GBE1: variants seen among roughly 807,000 people sequenced by gnomAD.
GBE1 encodes the protein 1,4-alpha-glucan-branching enzyme.
Under a neutral mutation model 88.8 loss-of-function variants are expected in GBE1, and 70 were observed. The ratio of observed to expected loss-of-function variants is 0.79; its 90% CI spans 0.65 to 0.96. The LOEUF (loss-of-function observed/expected upper bound fraction) is 0.96, where lower values mean the gene tolerates loss of function less well. Among genes scored for constraint, GBE1 ranks in the 40% least tolerant of loss-of-function variants. The pLI, the probability that GBE1 is intolerant of heterozygous loss-of-function variation, is 0.00. For missense variants in GBE1, 872 were observed against 871.0 expected (o/e 1.00, Z -0.01); for synonymous variants, 284 against 300.1 (o/e 0.95, Z 0.56).
intron 14 of GBE1, among the ~76,000 whole-genome samples, chr3:81,531,473 C>T (rs1470325703): frequency 6.6e-6 from 1 of 151,898 alleles, no homozygotes; most frequent in Non-Finnish European, 1.5e-5. Context: ...TCATCAAAGG[C>T]CTGTGGCAAT....
At position 81,499,037 on chromosome 3, in the gene GBE1, A is replaced by C. The variant is rs1393740512; in HGVS notation, c.2052+73T>G. On this transcript the variant is annotated intron_variant, in intron 15 of 15. Transcript: ENST00000429644. Reference sequence around the variant, plus strand: ...ATGTTGCTTATTTGAAGAGTTGTTTATTTGAACAAAAACATTACTATAATA... The same window carrying C: ...ATGTTGCTTATTTGAAGAGTTGTTTCTTTGAACAAAAACATTACTATAATA... 5.8e-6 allele frequency: 5 copies of C among 859,032 alleles called. No individual in the cohort carries two copies. In the African/African-American group the frequency reaches 7.2e-5, roughly 12 times the overall value. The allele number at this position is 859,032 out of a possible 1,614,324, so 53.2% of individuals were successfully genotyped here.
intron 14 of GBE1, among the ~76,000 whole-genome samples, chr3:81,520,034 G>A (rs1227593503): frequency 6.6e-6 from 1 of 151,524 alleles, no homozygotes; most frequent in Non-Finnish European, 1.5e-5. Flanking sequence ...GGGTGTAACA[G>A]AAAGAATATG....
intron 6 of GBE1, among the ~76,000 whole-genome samples, chr3:81,645,879 C>T (rs537862870): frequency 6.6e-6 from 1 of 152,164 alleles, no homozygotes; most frequent in Non-Finnish European, 1.5e-5. Context: ...TGTTGGACTT[C>T]TTCGGTCTGT....
Position 81,585,784 on chromosome 3 carries a change from T to C in GBE1, c.1335+308A>G, listed in dbSNP as rs190725386. ...AAATGAATGCTGTAATGAAGTCTAA[T>C]ATGTATTAAATATAGAGCACTGAAG... On this transcript the variant is annotated intron_variant, in intron 10 of 15. Transcript: ENST00000429644. 1.9e-4 allele frequency among the ~76,000 whole-genome samples: 29 copies of C among 152,322 alleles called. No homozygotes were observed. In the East Asian group the frequency reaches 3.7e-3, roughly 19 times the overall value.
intron 7 of GBE1, among the ~76,000 whole-genome samples, chr3:81,610,688 G>A (rs2106989339): frequency 6.6e-6 from 1 of 152,252 alleles, no homozygotes; most frequent in East Asian, 1.9e-4. Context: ...GAGAACACCT[G>A]TGACTGCAGG....
intron 1 of GBE1, among the ~76,000 whole-genome samples, chr3:81,712,474 A>G (rs1468282139): frequency 3.9e-5 from 6 of 152,200 alleles, no homozygotes; most frequent in South Asian, 2.1e-4. Context: ...AGCCATAAAA[A>G]AGGATGAGTT....
intron 14 of GBE1, among the ~76,000 whole-genome samples, chr3:81,528,820 T>C: frequency 6.6e-6 from 1 of 152,080 alleles, no homozygotes; most frequent in East Asian, 1.9e-4. Context: ...TCTGTTTGCA[T>C]AGAATATCTT....
At chr3:81,678,717 T>C (rs960223760) in intron 2 of GBE1, among the ~76,000 whole-genome samples, 11 of 152,150 alleles carry the variant, frequency 7.2e-5, no homozygotes, top group Non-Finnish European at 7.4e-5. Flanking sequence ...GTACTCATTA[T>C]ATTTTGACTA....
chr3:81,535,372 T>C, intron 13 of GBE1, 47 bp from the exon 14 acceptor site: 1 of 1,532,936 alleles, frequency 6.5e-7, no homozygotes, highest in South Asian at 1.2e-5. Context: ...ACCTAGATGC[T>C]GCTACAAGTA....
intron 1 of GBE1, among the ~76,000 whole-genome samples, chr3:81,719,357 C>T (rs185709320): frequency 9.9e-5 from 15 of 152,226 alleles, no homozygotes; most frequent in Non-Finnish European, 7.4e-5. Flanking sequence ...GCTGGGATTA[C>T]AGGCACGTGC....
At chr3:81,721,742 T>A (rs1706038803) in intron 1 of GBE1, among the ~76,000 whole-genome samples, 1 of 152,202 alleles carries the variant, frequency 6.6e-6, no homozygotes, top group Admixed American at 6.5e-5. Context: ...AACAAATGTT[T>A]CTCTCAGCAT....
rs145394480 is a variant in GBE1 at position 81,711,467 on chromosome 3, T to G, written c.144-5854A>C. 6.4e-3 allele frequency among the ~76,000 whole-genome samples: 977 copies of G among 152,256 alleles called. 16 individuals are homozygous for G. Among genetic ancestry groups the G allele is most frequent in the African/African-American group, 0.022 (907 of 41,562 alleles). On this transcript the variant is annotated intron_variant, in intron 1 of 15. Coordinates refer to ENST00000429644, the MANE Select transcript of GBE1 (RefSeq NM_000158.4). ...TATTAAATAGGGAATCCTTTCCCCA[T>G]TTCTTGTTTTTGTCAGGGTCGTCAA...
At chr3:81,515,392 G>C (rs1702785108) in intron 14 of GBE1, among the ~76,000 whole-genome samples, 1 of 151,328 alleles carries the variant, frequency 6.6e-6, no homozygotes, top group African/African-American at 2.4e-5. Flanking sequence ...TATTGTAATT[G>C]TTTTGGGGCA....
At chr3:81,632,908 A>G (rs1315297100) in intron 7 of GBE1, among the ~76,000 whole-genome samples, 1 of 152,136 alleles carries the variant, frequency 6.6e-6, no homozygotes, top group African/African-American at 2.4e-5. Context: ...AATGCTGGGC[A>G]TTCAGTTTTG....
intron 1 of GBE1, among the ~76,000 whole-genome samples, chr3:81,760,186 A>T (rs1706659477): frequency 6.6e-6 from 1 of 152,196 alleles, no homozygotes; most frequent in Non-Finnish European, 1.5e-5. Flanking sequence ...CAAGGTGATT[A>T]TTTTACAGAG....
intron 1 of GBE1, among the ~76,000 whole-genome samples, chr3:81,734,194 T>C (rs1195655179): frequency 3.9e-5 from 6 of 152,188 alleles, no homozygotes; most frequent in Non-Finnish European, 8.8e-5. Context: ...AAAGTATGTG[T>C]GTAAAATAAA....
At chr3:81,633,601 G>A (rs1186355540) in intron 7 of GBE1, among the ~76,000 whole-genome samples, 1 of 152,030 alleles carries the variant, frequency 6.6e-6, no homozygotes, top group East Asian at 1.9e-4. Context: ...GATATTAAAA[G>A]ACATTTATTT....
intron 2 of GBE1, among the ~76,000 whole-genome samples, chr3:81,695,128 G>C (rs990554241): frequency 6.6e-6 from 1 of 152,120 alleles, no homozygotes; most frequent in African/African-American, 2.4e-5. Context: ...TTCACTAGTC[G>C]AGAAGTTGAT....
At chr3:81,699,117 C>T (rs1705647876) in intron 2 of GBE1, among the ~76,000 whole-genome samples, 1 of 152,164 alleles carries the variant, frequency 6.6e-6, no homozygotes, top group South Asian at 2.1e-4. Flanking sequence ...TTTCTAGAAT[C>T]CCAAGGCTGC....
Sources: gnomAD v4.1 joint callset for allele counts (sites outside exome capture counted in the v4.1 genomes callset) on GRCh38, gnomAD v4.1.1 for gene constraint, MANE v1.5 for transcripts, NCBI Gene and HGNC (gene_info 2026-07-23, HGNC 2026-07-21) for gene names.